Variants in TTLL9 observed in about 807,000 individuals in gnomAD.
TTLL9 encodes the protein tubulin tyrosine ligase like 9, also known as probable tubulin polyglutamylase TTLL9.
TTLL9 carries 47 observed loss-of-function variants against 65.6 expected under a neutral mutation model. The observed-to-expected ratio is 0.72, with a 90% confidence interval of 0.57 to 0.91. TTLL9 has a LOEUF of 0.91. TTLL9 is among the 40% of genes least tolerant of loss of function. The pLI is 0.00. For synonymous variants in TTLL9, 179 were observed against 204.8 expected (o/e 0.87, Z 1.07); for missense variants, 537 against 568.8 (o/e 0.94, Z 0.57).
intron 3 of TTLL9, among the ~76,000 whole-genome samples, chr20:31,890,100 CCCTTCCTTCCTTCCTTCCTT>C (rs1286424316): frequency 4.0e-5 from 2 of 50,010 alleles, no homozygotes; most frequent in African/African-American, 9.1e-5. Context: ...TTCTTTCCCT[CCCTTCCTTCCTTCCTTCCTT>C]CCTTCCTTCC....
intron 12 of TTLL9, 79 bp from the exon 13 acceptor site, chr20:31,937,317 C>G (rs1322032495): frequency 3.3e-6 from 3 of 902,264 alleles, no homozygotes; most frequent in Non-Finnish European, 5.3e-6. Flanking sequence ...GTCCATGCAT[C>G]CATCTAGCCT....
intron 7 of TTLL9, chr20:31,920,501 C>G (rs532835861): frequency 6.5e-6 from 1 of 152,722 alleles, no homozygotes; most frequent in African/African-American, 2.4e-5. Flanking sequence ...GGAAAATGAC[C>G]GAAGCCCTCT....
At chr20:31,893,301 T>TC (rs2063334144) in intron 3 of TTLL9, among the ~76,000 whole-genome samples, 1 of 150,444 alleles carries the variant, frequency 6.6e-6, no homozygotes. Context: ...CTTTTTTTTT[T>TC]TTTTTTTGAG....
At chr20:31,933,185 A>G (rs1045937996) in intron 10 of TTLL9, among the ~76,000 whole-genome samples, 1 of 152,130 alleles carries the variant, frequency 6.6e-6, no homozygotes. Context: ...GTGAGCTGCA[A>G]AGTGCTGCTG....
At chr20:31,898,751 C>G (rs1223658120) in intron 4 of TTLL9, among the ~76,000 whole-genome samples, 186 bp downstream of exon 4, 1 of 152,262 alleles carries the variant, frequency 6.6e-6, no homozygotes, top group Non-Finnish European at 1.5e-5. Flanking sequence ...TTTAAGCCTT[C>G]CAACTAAACC....
chr20:31,930,742 C>T (rs945436512), intron 10 of TTLL9, among the ~76,000 whole-genome samples: 1 of 152,060 alleles, frequency 6.6e-6, no homozygotes, highest in Non-Finnish European at 1.5e-5. Context: ...TAAGAAAAGT[C>T]TTTTTCTCCT....
intron 12 of TTLL9, 69 bp from the exon 13 acceptor site, chr20:31,937,327 T>C (rs1459034995): frequency 9.3e-6 from 10 of 1,075,220 alleles, no homozygotes; most frequent in Non-Finnish European, 1.3e-5. Flanking sequence ...CCATCTAGCC[T>C]CTCAGTGAAA....
In TTLL9 at chr20:31,879,892, C is replaced by T. The variant is rs1048032202; in HGVS notation, c.70-7304C>T. 3.2e-6 allele frequency: 5 copies of T among 1,550,194 alleles called. No individual in the cohort carries two copies. The African/African-American group carries it at 6.9e-5, about 21-fold the overall frequency. Reference sequence around the variant, plus strand: ...CCTGGGGAATCGCGTTATGTCGCGACCGAAGGTAGGAGTCGACCTGACCCA... The same window carrying T: ...CCTGGGGAATCGCGTTATGTCGCGATCGAAGGTAGGAGTCGACCTGACCCA... On this transcript the variant is annotated intron_variant, in intron 2 of 14. Coordinates refer to ENST00000535842, the MANE Select transcript of TTLL9 (RefSeq NM_001008409.5).
chr20:31,878,085 T>G (rs1287790323), intron 2 of TTLL9, among the ~76,000 whole-genome samples: 1 of 152,274 alleles, frequency 6.6e-6, no homozygotes, highest in Admixed American at 6.5e-5. Flanking sequence ...ATATACTTTA[T>G]TAGATCTGTT....
At chr20:31,903,238 G>C (rs1047758721) in intron 4 of TTLL9, among the ~76,000 whole-genome samples, 1 of 152,078 alleles carries the variant, frequency 6.6e-6, no homozygotes, top group Non-Finnish European at 1.5e-5. Context: ...GCATTTCCCT[G>C]ATGGCTAATG....
At chr20:31,897,093 T>C (rs568553791) in intron 3 of TTLL9, among the ~76,000 whole-genome samples, 10 of 152,242 alleles carry the variant, frequency 6.6e-5, no homozygotes, top group Non-Finnish European at 1.3e-4. Flanking sequence ...AGAGATTGTG[T>C]AGGATTGGTG....
rs145375956 is a variant in TTLL9 at position 31,913,897 on chromosome 20, C to G, written c.504+3975C>G. 2.7e-3 allele frequency among the ~76,000 whole-genome samples: 417 copies of G among 152,322 alleles called. 1 individual carries two copies. The highest frequency in any genetic ancestry group is 9.8e-3 in the African/African-American group (406 of 41,574). ...CAGGACACTGACACAGGTCATGGGACAACTGTGGCTCCAGCCCGCCTCGTG... is the reference window on the plus strand; with the variant it reads ...CAGGACACTGACACAGGTCATGGGAGAACTGTGGCTCCAGCCCGCCTCGTG... On this transcript the variant is annotated intron_variant, in intron 6 of 14. Transcript: ENST00000535842.
At chr20:31,912,597 A>ATG (rs1182980617) in intron 6 of TTLL9, among the ~76,000 whole-genome samples, 97 of 102,684 alleles carry the variant, frequency 9.4e-4, no homozygotes, top group South Asian at 3.5e-3. Context: ...GTGTGCGTGT[A>ATG]TGTGTATGTG....
intron 12 of TTLL9, among the ~76,000 whole-genome samples, chr20:31,937,099 C>CA (rs59705348): frequency 0.35 from 32,339 of 93,342 alleles, 5,830 homozygotes; most frequent in African/African-American, 0.56. Context: ...ACTCCCTCTC[C>CA]AAAAAAAAAA....
chr20:31,899,753 G>A (rs765944875), intron 4 of TTLL9, among the ~76,000 whole-genome samples: 3 of 151,830 alleles, frequency 2.0e-5, no homozygotes, highest in Non-Finnish European at 4.4e-5. Flanking sequence ...CAGCTACAAG[G>A]GAATCTGGAA....
At chr20:31,878,644 T>A (rs1324728544) in intron 2 of TTLL9, among the ~76,000 whole-genome samples, 1 of 152,158 alleles carries the variant, frequency 6.6e-6, no homozygotes, top group Non-Finnish European at 1.5e-5. Context: ...TCAGATAGAC[T>A]CCCTGAATTC....
Position 31,925,063 on chromosome 20 carries a change from G to A in TTLL9, c.705+14G>A, listed in dbSNP as rs757443912. On this transcript the variant is annotated intron_variant, in intron 9 of 14. Transcript: ENST00000535842. ...CTGGTGATGTCGGTGAGTAACAAAG[G>A]TGGGGGCCCTCCTCCAGCAGGGGTT... 2.5e-6 allele frequency: 4 copies of A among 1,614,040 alleles called. No homozygotes were observed. In the South Asian group the frequency reaches 3.3e-5, roughly 13 times the overall value.
chr20:31,941,464 C>A (rs2064208116), intron 14 of TTLL9, among the ~76,000 whole-genome samples: 1 of 152,118 alleles, frequency 6.6e-6, no homozygotes, highest in Admixed American at 6.5e-5. Flanking sequence ...CTACTGACGC[C>A]TGCCAGATCA....
rs769066019 is a variant in TTLL9, at chr20:31,933,813, C to A, written c.762C>A (p.Thr254=). Residue 254 remains threonine (T), a synonymous_variant, in exon 11 of 15, where the codon ACC becomes ACA. Coordinates refer to ENST00000535842, the MANE Select transcript of TTLL9 (RefSeq NM_001008409.5). ...ACCCTCTCCCAGATGTTCACCTCACCAACGTGGCTGTGCAAAAAACATCTC... is the reference window on the plus strand; with the variant it reads ...ACCCTCTCCCAGATGTTCACCTCACAAACGTGGCTGTGCAAAAAACATCTC... ...SGHRRQDVHL[T]NVAVQKTSPD... 3.1e-6 allele frequency: 5 copies of A among 1,613,990 alleles called. No individual in the cohort carries two copies. In the South Asian group the frequency reaches 5.5e-5, roughly 18 times the overall value.
Sources: allele counts gnomAD v4.1 joint callset (sites outside exome capture counted in the v4.1 genomes callset), GRCh38; gene constraint gnomAD v4.1.1; transcripts MANE v1.5; gene names NCBI Gene and HGNC (gene_info 2026-07-23, HGNC 2026-07-21).